The following CRY1 variants were observed in gnomAD, a reference collection of about 807,000 sequenced individuals.
CRY1 encodes cryptochrome-1.
In CRY1, 45 loss-of-function variants were observed where a neutral mutation model predicts 76.0. The ratio of observed to expected loss-of-function variants is 0.59; its 90% confidence interval spans 0.47 to 0.76. The LOEUF is 0.76. CRY1 is among the 30% of genes least tolerant of loss of function. The pLI is 0.00. For synonymous variants in CRY1, 248 were observed against 244.0 expected, an observed-to-expected ratio of 1.02 and a Z score of -0.15; for missense variants, 587 against 716.4, an observed-to-expected ratio of 0.82 and a Z score of 2.06.
At chr12:107,092,205 T>G (rs2136906486) in intron 1 of CRY1, among the ~76,000 whole-genome samples, 1 of 152,338 alleles carries the variant, frequency 6.6e-6, no homozygotes, top group South Asian at 2.1e-4. Flanking sequence ...TTCAGTGCTC[T>G]GATCCCTAGA....
chr12:107,046,794 C>T (rs1238723405), intron 1 of CRY1, among the ~76,000 whole-genome samples: 1 of 152,088 alleles, frequency 6.6e-6, no homozygotes, highest in East Asian at 1.9e-4. Flanking sequence ...AACAAAAGCT[C>T]ATAATATAAT....
At chr12:107,086,674 G>A (rs976129702) in intron 1 of CRY1, among the ~76,000 whole-genome samples, 3 of 152,250 alleles carry the variant, frequency 2.0e-5, no homozygotes, top group Non-Finnish European at 4.4e-5. Flanking sequence ...TGGTTTCCAA[G>A]TGGTGTTAAG....
chr12:107,009,895 C>T (rs1358450278), intron 2 of CRY1, among the ~76,000 whole-genome samples: 1 of 151,662 alleles, frequency 6.6e-6, no homozygotes, highest in Non-Finnish European at 1.5e-5. Context: ...TTATGCTGTC[C>T]TCATAAAATG....
chr12:107,000,221 T>TA, intron 5 of CRY1, 139 bp from the exon 6 acceptor site: 1 of 839,716 alleles, frequency 1.2e-6, no homozygotes, highest in Non-Finnish European at 1.7e-6. Context: ...TTACATGTTT[T>TA]AATAAAAAAT....
chr12:107,042,282 T>A (rs1431384873), intron 1 of CRY1, among the ~76,000 whole-genome samples: 1 of 152,172 alleles, frequency 6.6e-6, no homozygotes, highest in East Asian at 1.9e-4. Context: ...ATACTAAAAT[T>A]CATGGTTGAA....
intron 7 of CRY1, among the ~76,000 whole-genome samples, chr12:106,998,692 A>ACACACAC (rs35847830): frequency 6.6e-6 from 1 of 150,848 alleles, no homozygotes; most frequent in African/African-American, 2.5e-5. Flanking sequence ...ACACACACAC[A>ACACACAC]AGCTCAGAAA....
intron 1 of CRY1, among the ~76,000 whole-genome samples, chr12:107,048,822 A>G (rs1952880137): frequency 6.6e-6 from 1 of 152,238 alleles, no homozygotes; most frequent in Non-Finnish European, 1.5e-5. Context: ...GAAAATATTA[A>G]TCACAGCTGT....
At position 106,998,932 on chromosome 12, in the gene CRY1, C is replaced by G. The variant is rs147278273; in HGVS notation, c.1137+619G>C. On this transcript the variant is annotated intron_variant, in intron 7 of 12. Transcript: ENST00000008527. Reference sequence around the variant, plus strand: ...TGGTGGGCACCTGTAATCCCAGCTACTCGGGAGGTTGAGGCAGGAGAATCA... The same window carrying G: ...TGGTGGGCACCTGTAATCCCAGCTAGTCGGGAGGTTGAGGCAGGAGAATCA... 8.6e-3 allele frequency among the ~76,000 whole-genome samples: 1,299 copies of G among 151,408 alleles called. 17 individuals are homozygous for G. Among genetic ancestry groups the G allele is most frequent in the African/African-American group, 0.03 (1,221 of 41,230 alleles).
chr12:107,009,604 AAT>A (rs1436437545), intron 2 of CRY1, among the ~76,000 whole-genome samples: 1 of 29,454 alleles, frequency 3.4e-5, no homozygotes, highest in Non-Finnish European at 5.7e-5. Context: ...ATATATATAA[AAT>A]CTCTATATCT....
chr12:106,996,037 T>A (rs1441111933), intron 10 of CRY1, among the ~76,000 whole-genome samples: 1 of 151,950 alleles, frequency 6.6e-6, no homozygotes, highest in African/African-American at 2.4e-5. Context: ...GAGACGGGGG[T>A]TTCTCCATGT....
intron 1 of CRY1, among the ~76,000 whole-genome samples, chr12:107,038,042 C>T (rs181228119): frequency 1.5e-3 from 233 of 152,214 alleles, no homozygotes; most frequent in African/African-American, 5.1e-3. Context: ...ACTTGGGCTG[C>T]TGAGTAGAAA....
chr12:107,085,907 A>C (rs1261073317), intron 1 of CRY1, among the ~76,000 whole-genome samples: 1 of 152,178 alleles, frequency 6.6e-6, no homozygotes, highest in South Asian at 2.1e-4. Context: ...AAAACCTCAT[A>C]CACAAGAAAA....
intron 1 of CRY1, among the ~76,000 whole-genome samples, chr12:107,028,026 G>T (rs530406764): frequency 6.6e-6 from 1 of 151,994 alleles, no homozygotes; most frequent in African/African-American, 2.4e-5. Context: ...TATCTAAACA[G>T]GAACAACTCA....
intron 1 of CRY1, among the ~76,000 whole-genome samples, chr12:107,038,662 T>C (rs1354375354): frequency 1.3e-5 from 2 of 152,176 alleles, no homozygotes; most frequent in Admixed American, 1.3e-4. Context: ...ACGATGTCAG[T>C]GAAATGATAG....
chr12:107,039,349 C>G (rs1952771029), intron 1 of CRY1, among the ~76,000 whole-genome samples: 1 of 152,172 alleles, frequency 6.6e-6, no homozygotes, highest in Non-Finnish European at 1.5e-5. Context: ...CTAAAACCTT[C>G]TGCACAGCAA....
intron 3 of CRY1, 55 bp from the exon 4 acceptor site, chr12:107,002,003 G>A: frequency 7.0e-7 from 1 of 1,428,440 alleles, no homozygotes; most frequent in East Asian, 2.6e-5. Flanking sequence ...ATACATTTTG[G>A]CTAATAAGCT....
intron 2 of CRY1, among the ~76,000 whole-genome samples, chr12:107,007,080 G>A (rs550066978): frequency 2.0e-5 from 3 of 152,198 alleles, no homozygotes; most frequent in Non-Finnish European, 4.4e-5. Context: ...TAGAATTTGA[G>A]CATGTAAATA....
chr12:107,005,251 AAAGT>A lies in CRY1; in HGVS notation c.268-7_268-4del. On this transcript the variant is annotated splice_region_variant and splice_polypyrimidine_tract_variant and intron_variant, in intron 2 of 12. Coordinates refer to ENST00000008527, the MANE Select transcript of CRY1 (RefSeq NM_004075.5). ...GAAAGTTTAGTAATGTTCCATTCCT[AAAGT>A]AAGAGAAAGGGGAACAATGTACACC... 6.2e-7 allele frequency: 1 copy of A among 1,606,734 alleles called. No homozygotes were observed. The highest frequency in any genetic ancestry group is 1.7e-4 in the Middle Eastern group (1 of 6,036).
intron 2 of CRY1, among the ~76,000 whole-genome samples, chr12:107,006,757 T>C (rs1031417970): frequency 2.7e-5 from 4 of 149,898 alleles, no homozygotes; most frequent in Non-Finnish European, 5.9e-5. Context: ...GTTCAAGCGA[T>C]TCTCCTGCCT....
Sources: allele counts gnomAD v4.1 joint callset (sites outside exome capture counted in the v4.1 genomes callset), GRCh38; gene constraint gnomAD v4.1.1; transcripts MANE v1.5; gene names NCBI Gene and HGNC (gene_info 2026-07-23, HGNC 2026-07-21).